Variants in DACH2 observed in about 807,000 individuals in gnomAD.
DACH2 encodes the protein dachshund family transcription factor 2.
In DACH2, 17 loss-of-function variants were observed where a neutral mutation model predicts 35.8. The ratio of observed to expected loss-of-function variants is 0.48; its 90% CI spans 0.33 to 0.71. The LOEUF is 0.71. Among genes scored for constraint, DACH2 ranks in the 30% least tolerant of loss-of-function variants. The probability of loss-of-function intolerance (pLI) is 0.02; values close to 1 mark genes in which losing one functional copy is unlikely to be tolerated. For missense variants in DACH2, 469 were observed against 472.7 expected, an observed-to-expected ratio of 0.99 and a Z score of 0.07; for synonymous variants, 195 against 177.3, an observed-to-expected ratio of 1.10 and a Z score of -0.79.
chrX:86,370,352 T>A (rs754439884), intron 1 of DACH2, among the ~76,000 whole-genome samples: 32 of 111,775 alleles, frequency 2.9e-4, no homozygotes, highest in African/African-American at 1.0e-3. Flanking sequence ...GCAGTAATTG[T>A]GTCCAACGTT....
intron 2 of DACH2, among the ~76,000 whole-genome samples, chrX:86,386,712 G>A (rs2036127961): frequency 9.0e-6 from 1 of 111,177 alleles, no homozygotes; most frequent in East Asian, 2.8e-4. Flanking sequence ...CCTTTGACAT[G>A]CCCCCAACAT....
chrX:86,151,342 A>T (rs2030360279), intron 1 of DACH2, among the ~76,000 whole-genome samples: 1 of 111,898 alleles, frequency 8.9e-6, no homozygotes, highest in Non-Finnish European at 1.9e-5. Flanking sequence ...GAAGAAATAG[A>T]TCTGTGATGT....
At chrX:86,540,366 A>G (rs2038863392) in intron 3 of DACH2, among the ~76,000 whole-genome samples, 1 of 112,288 alleles carries the variant, frequency 8.9e-6, no homozygotes, top group Non-Finnish European at 1.9e-5. Flanking sequence ...AAGATGTTAA[A>G]TGTGAATCTG....
At chrX:86,546,443 T>C (rs191056519) in intron 3 of DACH2, among the ~76,000 whole-genome samples, 1 of 89,765 alleles carries the variant, frequency 1.1e-5, no homozygotes, top group Non-Finnish European at 2.1e-5. Context: ...CCTCTTCTTC[T>C]TCTTCCTCTT....
intron 3 of DACH2, among the ~76,000 whole-genome samples, chrX:86,617,799 T>C (rs760157211): frequency 6.2e-5 from 7 of 112,357 alleles, no homozygotes; most frequent in Non-Finnish European, 1.1e-4. Context: ...CGAAGTAGTC[T>C]GGTTTATTAA....
intron 1 of DACH2, among the ~76,000 whole-genome samples, chrX:86,234,801 T>C (rs902164111): frequency 2.7e-5 from 3 of 109,908 alleles, no homozygotes; most frequent in Non-Finnish European, 5.7e-5. Flanking sequence ...TTTGTAGAGA[T>C]AGGGTTTCGC....
intron 2 of DACH2, among the ~76,000 whole-genome samples, chrX:86,429,442 G>A (rs2036947093): frequency 8.9e-6 from 1 of 111,786 alleles, no homozygotes; most frequent in African/African-American, 3.3e-5. Context: ...AATGTAACCC[G>A]CAGGTGTTTG....
chrX:86,493,479 T>G (rs1220882876), intron 2 of DACH2, among the ~76,000 whole-genome samples: 1 of 111,863 alleles, frequency 8.9e-6, no homozygotes, highest in Non-Finnish European at 1.9e-5. Flanking sequence ...ATTATACTAC[T>G]ACTACCATTA....
intron 3 of DACH2, among the ~76,000 whole-genome samples, chrX:86,650,568 A>G (rs1375824108): frequency 8.9e-6 from 1 of 111,778 alleles, no homozygotes; most frequent in Non-Finnish European, 1.9e-5. Context: ...AATTTACTAC[A>G]TAGTGAATTC....
intron 7 of DACH2, among the ~76,000 whole-genome samples, chrX:86,784,136 A>T (rs990390927): frequency 9.1e-6 from 1 of 110,271 alleles, no homozygotes. Context: ...CGGATAAAAG[A>T]TAAAAATTAA....
chrX:86,698,514 G>GTTTTTTTTTTTTTTTT lies in DACH2; in HGVS notation c.931+3339_931+3340insTTTTTTTTTTTTTTTT, dbSNP rs1345238527. 5.8e-4 allele frequency among the ~76,000 whole-genome samples: 20 copies of GTTTTTTTTTTTTTTTT among 34,324 alleles called. 3 individuals are homozygous for GTTTTTTTTTTTTTTTT. Among genetic ancestry groups the GTTTTTTTTTTTTTTTT allele is most frequent in the Middle Eastern group, 0.015 (1 of 66 alleles). The allele number at this position is 34,324 out of a possible 115,157, so 29.8% of individuals were successfully genotyped here. A position where few individuals can be genotyped will look rare whatever the true frequency, so the allele number is the denominator to read the frequency against. Reference sequence around the variant, plus strand: ...TTAATTTCTTCTTTTTGTTTTGTTAGTTTTGTGTTTTTTTTTTTTTTTTTT... The same window carrying GTTTTTTTTTTTTTTTT: ...TTAATTTCTTCTTTTTGTTTTGTTAGTTTTTTTTTTTTTTTTTTTTGTGTTTTTTTTTTTTTTTTTT... On this transcript the variant is annotated intron_variant, in intron 5 of 11. Coordinates refer to ENST00000373125, the MANE Select transcript of DACH2 (RefSeq NM_053281.3).
At chrX:86,416,470 A>G (rs1477543187) in intron 2 of DACH2, among the ~76,000 whole-genome samples, 2 of 112,072 alleles carry the variant, frequency 1.8e-5, no homozygotes, top group African/African-American at 3.2e-5. Flanking sequence ...ATTATAAATG[A>G]TCTTGCTGTT....
intron 3 of DACH2, among the ~76,000 whole-genome samples, chrX:86,602,276 G>A (rs1178461414): frequency 1.8e-5 from 2 of 111,887 alleles, no homozygotes; most frequent in Non-Finnish European, 3.8e-5. Context: ...TGTTGCTTAT[G>A]GTTTCTGCCA....
chrX:86,603,045 G>A (rs748257143), intron 3 of DACH2, among the ~76,000 whole-genome samples: 2 of 111,291 alleles, frequency 1.8e-5, no homozygotes, highest in Admixed American at 9.6e-5. Context: ...ATTTTCTCAC[G>A]GTTCTGGATC....
chrX:86,302,314 G>A (rs1289644419), intron 1 of DACH2, among the ~76,000 whole-genome samples: 1 of 111,187 alleles, frequency 9.0e-6, no homozygotes. Context: ...CTAGCCGTGA[G>A]TTGGCACTTG....
chrX:86,605,523 A>G (rs1486878595), intron 3 of DACH2, among the ~76,000 whole-genome samples: 2 of 111,056 alleles, frequency 1.8e-5, no homozygotes, highest in African/African-American at 6.5e-5. Flanking sequence ...TTTATACGTA[A>G]TATAACTTTT....
At chrX:86,705,093 AATGGAATACTAC>A (rs1358982168) in intron 5 of DACH2, among the ~76,000 whole-genome samples, 7 of 102,113 alleles carry the variant, frequency 6.9e-5, no homozygotes, top group African/African-American at 2.9e-4. Flanking sequence ...AGATATATAT[AATGGAATACTAC>A]TCAGCCATAT....
intron 1 of DACH2, among the ~76,000 whole-genome samples, chrX:86,223,064 C>A (rs1240132213): frequency 9.0e-6 from 1 of 111,709 alleles, no homozygotes; most frequent in African/African-American, 3.3e-5. Flanking sequence ...AAACCAAATA[C>A]CTACAGCTTC....
In DACH2 at chrX:86,822,778, A is replaced by T. The variant is rs184138277; in HGVS notation, c.1750+6679A>T. ...CCTCTGTTTTTAAAAGTTTATAAAG[A>T]TTGGGGTAATATTTATAAAATTTAG... On this transcript the variant is annotated intron_variant, in intron 11 of 11. Transcript: ENST00000373125. Among the ~76,000 whole-genome samples the T allele has an allele frequency of 5.9e-3, 660 of 111,152 alleles. 7 individuals carry two copies. Among genetic ancestry groups the T allele is most frequent in the Middle Eastern group, 9.3e-3 (2 of 216 alleles).
Sources: gnomAD v4.1 joint callset for allele counts (sites outside exome capture counted in the v4.1 genomes callset) on GRCh38, gnomAD v4.1.1 for gene constraint, MANE v1.5 for transcripts, NCBI Gene and HGNC (gene_info 2026-07-23, HGNC 2026-07-21) for gene names.